Variants in SLC44A1 observed in about 807,000 individuals in gnomAD.
SLC44A1 encodes choline transporter-like protein 1.
In SLC44A1, 26 loss-of-function variants were observed where a neutral mutation model predicts 79.3. That is an observed-to-expected ratio of 0.33 (90% CI 0.24 to 0.46). The LOEUF (loss-of-function observed/expected upper bound fraction) is 0.46. Ranked by LOEUF, SLC44A1 falls within the 20% of genes least tolerant of loss-of-function variation. The pLI is 1.00. For missense variants in SLC44A1, 688 were observed against 798.1 expected, an observed-to-expected ratio of 0.86 and a Z score of 1.66; for synonymous variants, 263 against 286.2, an observed-to-expected ratio of 0.92 and a Z score of 0.82.
intron 1 of SLC44A1, among the ~76,000 whole-genome samples, chr9:105,298,539 G>A (rs551114259): frequency 1.3e-5 from 2 of 152,080 alleles, no homozygotes; most frequent in Admixed American, 6.5e-5. Flanking sequence ...TAGTAGAGAC[G>A]GGGTTTCGCC....
At chr9:105,247,457 C>G (rs1289807160) in intron 1 of SLC44A1, among the ~76,000 whole-genome samples, 1 of 152,164 alleles carries the variant, frequency 6.6e-6, no homozygotes, top group Non-Finnish European at 1.5e-5. Context: ...ACCAGCTCAT[C>G]TGGCTAATTT....
chr9:105,248,668 G>C (rs1475526903), intron 1 of SLC44A1, among the ~76,000 whole-genome samples: 1 of 152,170 alleles, frequency 6.6e-6, no homozygotes, highest in Non-Finnish European at 1.5e-5. Flanking sequence ...TGAGGGGAAC[G>C]TAAAAGTAAG....
chr9:105,258,304 C>A (rs1829758660), intron 1 of SLC44A1, among the ~76,000 whole-genome samples: 1 of 152,086 alleles, frequency 6.6e-6, no homozygotes, highest in Non-Finnish European at 1.5e-5. Flanking sequence ...GAATTGAAGA[C>A]CCAGAACTGG....
intron 15 of SLC44A1, among the ~76,000 whole-genome samples, chr9:105,429,090 G>A (rs1158230538): frequency 6.6e-6 from 1 of 152,154 alleles, no homozygotes; most frequent in East Asian, 1.9e-4. Context: ...CTGGGCATAT[G>A]GTCAAAAAAT....
At chr9:105,356,057 T>G in intron 5 of SLC44A1, 155 bp from the exon 6 acceptor site, 1 of 627,266 alleles carries the variant, frequency 1.6e-6, no homozygotes, top group Non-Finnish European at 2.8e-6. Context: ...ACAGTCATCC[T>G]CATAGCATTA....
chr9:105,251,981 T>TG (rs11458949), intron 1 of SLC44A1, among the ~76,000 whole-genome samples: 8,407 of 152,256 alleles, frequency 0.055, 744 homozygotes, highest in African/African-American at 0.19. Flanking sequence ...TACCTGTTTT[T>TG]TATGGCTTAC....
intron 6 of SLC44A1, among the ~76,000 whole-genome samples, chr9:105,356,652 G>A (rs191163786): frequency 1.4e-4 from 21 of 152,166 alleles, no homozygotes; most frequent in Middle Eastern, 3.4e-3. Flanking sequence ...ACTTTAATAT[G>A]AGAGCAAGAG....
chr9:105,373,395 C>T (rs2131439399), intron 12 of SLC44A1, among the ~76,000 whole-genome samples: 1 of 152,070 alleles, frequency 6.6e-6, no homozygotes, highest in East Asian at 1.9e-4. Context: ...CAATGCTGTT[C>T]TAGAATGTAA....
intron 15 of SLC44A1, among the ~76,000 whole-genome samples, chr9:105,409,541 C>T (rs950085426): frequency 3.3e-5 from 5 of 152,056 alleles, no homozygotes; most frequent in South Asian, 4.1e-4. Context: ...TAAAATTAGT[C>T]GGGTGTAGTG....
intron 2 of SLC44A1, among the ~76,000 whole-genome samples, chr9:105,300,417 T>C (rs1442983911): frequency 6.6e-6 from 1 of 152,222 alleles, no homozygotes; most frequent in African/African-American, 2.4e-5. Context: ...ATAGAGTTTC[T>C]TTATGAAAAT....
intron 15 of SLC44A1, among the ~76,000 whole-genome samples, chr9:105,429,804 T>A (rs896929051): frequency 6.8e-6 from 1 of 147,460 alleles, no homozygotes; most frequent in Non-Finnish European, 1.5e-5. Flanking sequence ...TTTCAAGGTA[T>A]GCAGAAATTT....
chr9:105,341,265 G>T (rs1202109613), intron 4 of SLC44A1, among the ~76,000 whole-genome samples: 1 of 151,076 alleles, frequency 6.6e-6, no homozygotes. Context: ...AACCTGGGAG[G>T]TGGAGGTTGC....
At chr9:105,273,992 T>TTA (rs1830138408) in intron 1 of SLC44A1, among the ~76,000 whole-genome samples, 1 of 152,184 alleles carries the variant, frequency 6.6e-6, no homozygotes. Flanking sequence ...TATTATTTCT[T>TTA]TATGCATATA....
At chr9:105,416,341 T>C (rs899790442) in intron 15 of SLC44A1, among the ~76,000 whole-genome samples, 2 of 152,058 alleles carry the variant, frequency 1.3e-5, no homozygotes, top group Non-Finnish European at 2.9e-5. Flanking sequence ...AATTGGTTCT[T>C]CTACTTTCCT....
At chr9:105,273,318 AT>A (rs1360536038) in intron 1 of SLC44A1, among the ~76,000 whole-genome samples, 1 of 152,184 alleles carries the variant, frequency 6.6e-6, no homozygotes, top group Non-Finnish European at 1.5e-5. Flanking sequence ...AGTAAGTTTG[AT>A]TAGAGTATGA....
At chr9:105,349,313 ATATAT>A (rs1406364775) in intron 5 of SLC44A1, among the ~76,000 whole-genome samples, 2 of 152,196 alleles carry the variant, frequency 1.3e-5, no homozygotes, top group Non-Finnish European at 2.9e-5. Flanking sequence ...TTGTATCTCA[ATATAT>A]TATAGGAAGC....
At chr9:105,302,382 C>A (rs1033059300) in intron 2 of SLC44A1, among the ~76,000 whole-genome samples, 1 of 151,132 alleles carries the variant, frequency 6.6e-6, no homozygotes, top group East Asian at 1.9e-4. Flanking sequence ...GAGACAGAGT[C>A]TTGCTCTGTC....
At chr9:105,286,748 A>G (rs1405028308) in intron 1 of SLC44A1, among the ~76,000 whole-genome samples, 1 of 152,156 alleles carries the variant, frequency 6.6e-6, no homozygotes, top group African/African-American at 2.4e-5. Flanking sequence ...GGATCACTTA[A>G]GGCCAGGAGT....
At chr9:105,308,080 G>A (rs879297672) in intron 2 of SLC44A1, among the ~76,000 whole-genome samples, 4 of 152,220 alleles carry the variant, frequency 2.6e-5, no homozygotes, top group African/African-American at 4.8e-5. Context: ...TTTGTGGTAA[G>A]TGGTTTTAAC....
Sources: allele counts gnomAD v4.1 joint callset (sites outside exome capture counted in the v4.1 genomes callset), GRCh38; gene constraint gnomAD v4.1.1; transcripts MANE v1.5; gene names NCBI Gene and HGNC (gene_info 2026-07-23, HGNC 2026-07-21).